Variants in CSMD1 observed in about 807,000 individuals in gnomAD.
CSMD1 encodes the protein CUB and sushi domain-containing protein 1.
A neutral mutation model predicts 417.5 loss-of-function variants in CSMD1; 213 were observed. The observed-to-expected ratio is 0.51, with a 90% CI of 0.46 to 0.57. CSMD1 has a LOEUF of 0.57. Among genes scored for constraint, CSMD1 ranks in the 20% least tolerant of loss-of-function variants. The pLI is 0.00. For synonymous variants in CSMD1, 2,862 were observed against 1,736.8 expected, an observed-to-expected ratio of 1.65 and a Z score of -16.11; for missense variants, 6,923 against 4,529.7, an observed-to-expected ratio of 1.53 and a Z score of -15.17.
At position 3,879,357 on chromosome 8, in the gene CSMD1, T is replaced by C. The variant is rs192381802; in HGVS notation, c.818+118546A>G. 1.7e-3 allele frequency among the ~76,000 whole-genome samples: 253 copies of C among 152,304 alleles called. 3 individuals carry two copies. The highest frequency in any genetic ancestry group is 5.7e-3 in the African/African-American group (237 of 41,578). ...AAGATTATTATTCATTAGAATCATC[T>C]AAGGAATCTCTATAGACATAAAGTA... On this transcript the variant is annotated intron_variant, in intron 5 of 69. Transcript: ENST00000635120.
At chr8:3,545,864 G>C (rs749093611) in intron 10 of CSMD1, among the ~76,000 whole-genome samples, 3 of 152,214 alleles carry the variant, frequency 2.0e-5, no homozygotes, top group Non-Finnish European at 4.4e-5. Context: ...GCAAAGTCAA[G>C]CAGTTGGTGC....
chr8:3,178,083 G>A (rs867479383), intron 37 of CSMD1, among the ~76,000 whole-genome samples: 17 of 152,212 alleles, frequency 1.1e-4, no homozygotes, highest in Middle Eastern at 3.4e-3. Flanking sequence ...AAAGAATCTA[G>A]GTCATATACA....
rs570471281 is a variant in CSMD1 at position 4,059,291 on chromosome 8, C to T, written c.416-27192G>A. Among the ~76,000 whole-genome samples the T allele has an allele frequency of 6.0e-5, 9 of 151,032 alleles. No individual in the cohort carries two copies. In the South Asian group the frequency reaches 1.9e-3, roughly 32 times the overall value. ...CAGAATCTCTGGGACACATTCAAAA[C>T]ACTGTGTAGAGTGAAATTTATAGCA... On this transcript the variant is annotated intron_variant, in intron 3 of 69. Transcript: ENST00000635120.
chr8:3,937,997 A>C (rs1810622340), intron 5 of CSMD1, among the ~76,000 whole-genome samples: 1 of 152,176 alleles, frequency 6.6e-6, no homozygotes, highest in African/African-American at 2.4e-5. Context: ...TTTCAAAATA[A>C]CTAACTATAA....
chr8:4,952,255 G>A (rs1448244765), intron 1 of CSMD1, among the ~76,000 whole-genome samples: 1 of 151,814 alleles, frequency 6.6e-6, no homozygotes, highest in African/African-American at 2.4e-5. Context: ...TTTTCTATAA[G>A]ATAAACTATT....
intron 3 of CSMD1, among the ~76,000 whole-genome samples, chr8:4,382,464 A>C (rs796335681): frequency 7.2e-5 from 11 of 152,200 alleles, no homozygotes; most frequent in African/African-American, 2.7e-4. Context: ...TATAATATAG[A>C]CCATTAACTC....
chr8:4,602,227 T>C (rs1448545965), intron 2 of CSMD1, among the ~76,000 whole-genome samples: 2 of 152,070 alleles, frequency 1.3e-5, no homozygotes, highest in African/African-American at 4.8e-5. Context: ...TCATTGAAAA[T>C]TGATGTTGTT....
intron 3 of CSMD1, among the ~76,000 whole-genome samples, chr8:4,046,506 T>C (rs957130866): frequency 1.3e-5 from 2 of 152,198 alleles, no homozygotes; most frequent in Admixed American, 6.5e-5. Context: ...GCATGTTTTG[T>C]GGTTGCTGTT....
At chr8:4,381,379 A>C (rs986363876) in intron 3 of CSMD1, among the ~76,000 whole-genome samples, 1 of 152,134 alleles carries the variant, frequency 6.6e-6, no homozygotes, top group Non-Finnish European at 1.5e-5. Context: ...TGTGGCTGTA[A>C]GAGTAAGCAG....
intron 5 of CSMD1, among the ~76,000 whole-genome samples, chr8:3,919,458 A>C (rs760553071): frequency 6.6e-6 from 1 of 151,744 alleles, no homozygotes; most frequent in African/African-American, 2.4e-5. Context: ...GCTTGAGTTC[A>C]CTTTCTGGCT....
chr8:3,657,700 T>C lies in CSMD1; in HGVS notation c.1010-40903A>G, dbSNP rs148265836. 5.1e-3 allele frequency among the ~76,000 whole-genome samples: 779 copies of C among 152,064 alleles called. 3 individuals are homozygous for C. The highest frequency in any genetic ancestry group is 0.018 in the African/African-American group (746 of 41,446). Reference sequence around the variant, plus strand: ...TCACACACCAGGGCCTGTCAGTGGGTAGGGGGCTAGGGGAGGGGTAGCATT... The same window carrying C: ...TCACACACCAGGGCCTGTCAGTGGGCAGGGGGCTAGGGGAGGGGTAGCATT... On this transcript the variant is annotated intron_variant, in intron 7 of 69. Coordinates refer to ENST00000635120, the MANE Select transcript of CSMD1 (RefSeq NM_033225.6).
intron 3 of CSMD1, among the ~76,000 whole-genome samples, chr8:4,067,892 C>G (rs1053863879): frequency 2.0e-5 from 3 of 152,062 alleles, no homozygotes; most frequent in Admixed American, 6.6e-5. Flanking sequence ...TCCTGGCCAA[C>G]ATGATGAAAC....
intron 2 of CSMD1, among the ~76,000 whole-genome samples, chr8:4,451,782 C>A (rs1799161663): frequency 6.6e-6 from 1 of 151,986 alleles, no homozygotes; most frequent in Non-Finnish European, 1.5e-5. Context: ...AGTATTTGAG[C>A]AGGATCCACA....
intron 3 of CSMD1, among the ~76,000 whole-genome samples, chr8:4,335,249 A>G (rs1022540396): frequency 6.6e-6 from 1 of 151,890 alleles, no homozygotes; most frequent in South Asian, 2.1e-4. Context: ...TGAACACTTC[A>G]CCCTTATGAC....
At chr8:3,625,189 A>G (rs1272641318) in intron 7 of CSMD1, among the ~76,000 whole-genome samples, 2 of 152,248 alleles carry the variant, frequency 1.3e-5, no homozygotes, top group Admixed American at 6.5e-5. Context: ...AGGTAAAATA[A>G]GAATTGTTGA....
chr8:4,372,632 A>T (rs1323979526), intron 3 of CSMD1, among the ~76,000 whole-genome samples: 1 of 12,892 alleles, frequency 7.8e-5, no homozygotes, highest in Non-Finnish European at 1.5e-4. Flanking sequence ...AGGAAGTGTT[A>T]AAAAAAAAAA....
chr8:3,268,289 A>ATTTTTTTTT (rs1163842745), intron 26 of CSMD1, among the ~76,000 whole-genome samples: 1 of 84,270 alleles, frequency 1.2e-5, no homozygotes, highest in African/African-American at 4.4e-5. Flanking sequence ...TTCATTTCCT[A>ATTTTTTTTT]TTTTTTTTTT....
intron 23 of CSMD1, among the ~76,000 whole-genome samples, chr8:3,334,331 C>A (rs949382522): frequency 6.6e-6 from 1 of 152,142 alleles, no homozygotes; most frequent in Non-Finnish European, 1.5e-5. Flanking sequence ...TTCATGCTTG[C>A]AATATTTTCT....
chr8:4,160,708 C>G (rs1270830699), intron 3 of CSMD1, among the ~76,000 whole-genome samples: 1 of 152,212 alleles, frequency 6.6e-6, no homozygotes, highest in Non-Finnish European at 1.5e-5. Context: ...TTCACTCTTG[C>G]CTTGTGGCAA....
Sources: gnomAD v4.1 joint callset for allele counts (sites outside exome capture counted in the v4.1 genomes callset) on GRCh38, gnomAD v4.1.1 for gene constraint, MANE v1.5 for transcripts, NCBI Gene and HGNC (gene_info 2026-07-23, HGNC 2026-07-21) for gene names.